Variants in TBRG4 observed in about 807,000 individuals in gnomAD.
TBRG4 encodes FAST kinase domain-containing protein 4.
Under a neutral mutation model 65.6 loss-of-function variants are expected in TBRG4, and 43 were observed. The observed-to-expected ratio is 0.66, with a 90% CI of 0.51 to 0.85. The LOEUF is 0.85. Ranked by LOEUF, TBRG4 falls within the 40% of genes least tolerant of loss-of-function variation. TBRG4 has a pLI of 0.00. For missense variants in TBRG4, 709 were observed against 787.9 expected, an observed-to-expected ratio of 0.90 and a Z score of 1.20; for synonymous variants, 366 against 341.4, an observed-to-expected ratio of 1.07 and a Z score of -0.79.
At position 45,101,305 on chromosome 7, in the gene TBRG4, C is replaced by T; in HGVS notation, c.1747G>A (p.Val583Ile). ...SRSKDLLGRF[V>I]LARRHIVAAG... ...GCCACTATGTGTCGCCGGGCCAGAA[C>T]AAAGCGACCCAGCAAGTCCTTGCTT... The change falls in exon 10 of 11, where the codon GTT becomes ATT. Residue 583 changes from valine (V) to isoleucine (I), a missense_variant. Val to Ile is a conservative substitution (Grantham distance 29). Coordinates refer to ENST00000258770, the MANE Select transcript of TBRG4 (RefSeq NM_004749.4). 6.2e-7 allele frequency: 1 copy of T among 1,614,020 alleles called. No homozygotes were observed. Among genetic ancestry groups the T allele is most frequent in the Non-Finnish European group, 8.5e-7 (1 of 1,180,024 alleles).
At position 45,104,727 on chromosome 7, in the gene TBRG4, G is replaced by A. The variant is rs752884619; in HGVS notation, c.736-18C>T. On this transcript the variant is annotated intron_variant, in intron 3 of 10. Transcript: ENST00000258770. ...TCCAGGCACTGTCAACCACAGCCGC[G>A]CAGAGGTCAGCTCAATGGCCTGGGG... 2.7e-5 allele frequency: 44 copies of A among 1,611,262 alleles called. No homozygotes were observed. In the Admixed American group the frequency reaches 5.0e-4, roughly 18 times the overall value.
In TBRG4 at chr7:45,100,318, G is replaced by A; in HGVS notation, c.*7C>T. 1 of 1,613,256 alleles carries A rather than the reference G, an allele frequency of 6.2e-7. No individual in the cohort carries two copies. ...GAGAGGCACGCAGTCCATGCTGCTG[G>A]CACAAGTCACTTGGCCAGCTCCTCA... On this transcript the variant is annotated 3_prime_UTR_variant, in exon 11 of 11. Coordinates refer to ENST00000258770, the MANE Select transcript of TBRG4 (RefSeq NM_004749.4).
In TBRG4 at chr7:45,108,911, G is replaced by A. The variant is rs201506925; in HGVS notation, c.327C>T (p.His109=). The change falls in exon 2 of 11, where the codon CAC becomes CAT. Residue 109 remains histidine, a synonymous_variant. Transcript: ENST00000258770. ...QAAMVLIRLS[H]LLSEKPEDKG... is the part of the protein sequence containing the mutation. Reference sequence around the variant, plus strand: ...TATCTTCTGGCTTCTCAGACAGCAAGTGAGAGAGCCGGATAAGTACCATTG... The same window carrying A: ...TATCTTCTGGCTTCTCAGACAGCAAATGAGAGAGCCGGATAAGTACCATTG... 6.3e-4 allele frequency: 1,002 copies of A among 1,601,458 alleles called. No homozygotes were observed. The highest frequency in any genetic ancestry group is 8.3e-4 in the Non-Finnish European group (973 of 1,175,420).
intron 3 of TBRG4, 153 bp downstream of exon 3, chr7:45,105,288 G>GC (rs1459004675): frequency 1.2e-6 from 1 of 841,664 alleles, no homozygotes; most frequent in Non-Finnish European, 1.8e-6. Flanking sequence ...CTCTGGTCCT[G>GC]CCCCATGTGA....
chr7:45,105,265 G>A (rs913627017), intron 3 of TBRG4, 176 bp downstream of exon 3: 11 of 695,584 alleles, frequency 1.6e-5, no homozygotes, highest in South Asian at 1.5e-4. Context: ...ACCACCTGTT[G>A]CAGCTCCGAG....
At position 45,111,661 on chromosome 7, in the gene TBRG4, G is replaced by A. The variant is rs775104030; in HGVS notation, c.-69C>T. Reference sequence around the variant, plus strand: ...GACCTACGCAGCGAGCACCACCGCTGACCTCCATCCGCCGCCCTAACTGTC... The same window carrying A: ...GACCTACGCAGCGAGCACCACCGCTAACCTCCATCCGCCGCCCTAACTGTC... On this transcript the variant is annotated 5_prime_UTR_variant, in exon 1 of 11. It introduces an in-frame stop codon into an upstream open reading frame of the 5' UTR. Coordinates refer to ENST00000258770, the MANE Select transcript of TBRG4 (RefSeq NM_004749.4). 6.2e-6 allele frequency: 8 copies of A among 1,289,312 alleles called. No individual in the cohort carries two copies. Among genetic ancestry groups the A allele is most frequent in the Admixed American group, 2.3e-5 (1 of 43,542 alleles). The allele number at this position is 1,289,312 out of a possible 1,614,324, so 79.9% of individuals were successfully genotyped here.
Position 45,104,214 on chromosome 7 carries a change from G to A in TBRG4, c.950C>T (p.Ala317Val), listed in dbSNP as rs770106674. The change falls in exon 5 of 11, where the codon GCC becomes GTC. Residue 317 changes from alanine (A) to valine (V), a missense_variant. By Grantham distance (64) the Ala-to-Val change is moderately conservative (BLOSUM62 0). Transcript: ENST00000258770. ...GGGCATGAGGGATAGCAGGTCGGTG[G>A]CCAGGCGCTGGGACACCTGGGTCTG... is the stretch of plus-strand genomic sequence containing the variant. ...FHQTQVSQRL[A>V]TDLLSLMPSL... 3.8e-5 allele frequency: 61 copies of A among 1,614,022 alleles called. No individual in the cohort carries two copies. The Admixed American group carries it at 7.3e-4, about 19-fold the overall frequency.
chr7:45,108,337 G>A (rs1269623048), intron 2 of TBRG4, among the ~76,000 whole-genome samples: 1 of 152,230 alleles, frequency 6.6e-6, no homozygotes, highest in Non-Finnish European at 1.5e-5. Flanking sequence ...CCTGCTCAGT[G>A]CCACACAAAT....
intron 1 of TBRG4, among the ~76,000 whole-genome samples, chr7:45,110,552 A>G (rs1785097056): frequency 1.3e-5 from 2 of 151,790 alleles, no homozygotes; most frequent in Non-Finnish European, 2.9e-5. Context: ...CTGTAGTCCC[A>G]GCTACTAGGG....
chr7:45,105,804 G>C, intron 2 of TBRG4, 40 bp from the exon 3 acceptor site: 1 of 1,570,356 alleles, frequency 6.4e-7, no homozygotes, highest in Middle Eastern at 1.7e-4. Flanking sequence ...ATGTGGCACT[G>C]TCAGTCCTGT....
rs1252217479 is a variant in TBRG4 at position 45,108,902 on chromosome 7, A to G, written c.336T>C (p.Ser112=). ...GCAAGCCTTTATCTTCTGGCTTCTC[A>G]GACAGCAAGTGAGAGAGCCGGATAA... ...MVLIRLSHLL[S]EKPEDKGLLI... is the part of the protein sequence containing the mutation. The change falls in exon 2 of 11, where the codon TCT becomes TCC. Residue 112 remains serine (S), a synonymous_variant. Transcript: ENST00000258770. The G allele has an allele frequency of 1.9e-6, 3 of 1,592,432 alleles. No individual in the cohort carries two copies. The highest frequency in any genetic ancestry group is 2.6e-6 in the Non-Finnish European group (3 of 1,172,134).
rs1322371274 is a variant in TBRG4 at position 45,104,669 on chromosome 7, C to T, written c.776G>A (p.Arg259Gln). 6 of 1,613,850 alleles carry T rather than the reference C, an allele frequency of 3.7e-6. No individual in the cohort carries two copies. The highest frequency in any genetic ancestry group is 5.1e-6 in the Non-Finnish European group (6 of 1,180,038). ...LVEHFGPNELRKVLVMLAAQS... is the reference protein window; with the variant it reads ...LVEHFGPNELQKVLVMLAAQS... ...AGCTGCCAGCATCACCAGCACCTTC[C>T]GCAGCTCATTGGGGCCAAAGTGCTC... Residue 259 changes from arginine (R) to glutamine (Q), a missense_variant, in exon 4 of 11, where the codon CGG becomes CAG. By Grantham distance (43) the Arg-to-Gln change is conservative (BLOSUM62 1). Coordinates refer to ENST00000258770, the MANE Select transcript of TBRG4 (RefSeq NM_004749.4).
At chr7:45,104,944 A>G (rs1784890512) in intron 3 of TBRG4, 3 of 789,520 alleles carry the variant, frequency 3.8e-6, no homozygotes, top group Non-Finnish European at 6.8e-6. Flanking sequence ...GTCCCAGGGT[A>G]GGTGACCCAG....
intron 5 of TBRG4, 93 bp from the exon 6 acceptor site, chr7:45,103,536 T>C (rs1784838441): frequency 8.0e-6 from 8 of 1,004,010 alleles, no homozygotes; most frequent in Admixed American, 6.1e-5. Context: ...AGAGCCTGCA[T>C]GGCCAGGGGC....
chr7:45,110,089 A>ACC (rs916710067), intron 1 of TBRG4, among the ~76,000 whole-genome samples: 1 of 151,778 alleles, frequency 6.6e-6, no homozygotes, highest in Non-Finnish European at 1.5e-5. Flanking sequence ...GCCTACTAAA[A>ACC]CCCCCCCACC....
rs920536922 is a variant in TBRG4 at position 45,104,744 on chromosome 7, G to A, written c.736-35C>T. On this transcript the variant is annotated intron_variant, in intron 3 of 10. Coordinates refer to ENST00000258770, the MANE Select transcript of TBRG4 (RefSeq NM_004749.4). ...ACAGCCGCGCAGAGGTCAGCTCAAT[G>A]GCCTGGGGTGGCAGAGATGAGCTGG... 3.7e-6 allele frequency: 6 copies of A among 1,603,770 alleles called. No individual in the cohort carries two copies. The African/African-American group carries it at 5.3e-5, about 14-fold the overall frequency.
In TBRG4 at chr7:45,108,826, C is replaced by T. The variant is rs149395354; in HGVS notation, c.411+1G>A. 1 of 1,528,894 alleles carries T rather than the reference C, an allele frequency of 6.5e-7. No individual in the cohort carries two copies. The highest frequency in any genetic ancestry group is 8.8e-7 in the Non-Finnish European group (1 of 1,141,188). 94.7% of individuals were successfully genotyped at this position (1,528,894 alleles called of 1,614,324 possible). A position where few individuals can be genotyped will look rare whatever the true frequency, so the allele number is the denominator to read the frequency against. ...CTCTCAGACCACACTCCGGCACCCACCTGACTGTTGAGCAGACAGAGAAGT... is the reference window on the plus strand; with the variant it reads ...CTCTCAGACCACACTCCGGCACCCATCTGACTGTTGAGCAGACAGAGAAGT... On this transcript the variant is annotated splice_donor_variant, in intron 2 of 10. Coordinates refer to ENST00000258770, the MANE Select transcript of TBRG4 (RefSeq NM_004749.4). LOFTEE classifies it high-confidence loss of function.
intron 3 of TBRG4, chr7:45,104,983 CA>C: frequency 5.3e-6 from 4 of 754,024 alleles, no homozygotes; most frequent in Non-Finnish European, 9.7e-6. Context: ...CTTGCTGTGG[CA>C]GCCATCTGGG....
At position 45,105,978 on chromosome 7, in the gene TBRG4, A is replaced by G. The variant is rs542208227; in HGVS notation, c.412-214T>C. ...CGAGGCCTAGACGCTTGGTGTCTGT[A>G]ACCAAATTTATCCCTGAGCCTGGGA... On this transcript the variant is annotated intron_variant, in intron 2 of 10. Transcript: ENST00000258770. 1.8e-5 allele frequency: 14 copies of G among 762,298 alleles called. No homozygotes were observed. In the East Asian group the frequency reaches 3.5e-4, roughly 19 times the overall value. The allele number at this position is 762,298 out of a possible 1,614,324, so 47.2% of individuals were successfully genotyped here. A position where few individuals can be genotyped will look rare whatever the true frequency, so the allele number is the denominator to read the frequency against.
Sources: allele counts gnomAD v4.1 joint callset (sites outside exome capture counted in the v4.1 genomes callset), GRCh38; gene constraint gnomAD v4.1.1; transcripts MANE v1.5; gene names NCBI Gene and HGNC (gene_info 2026-07-23, HGNC 2026-07-21).